The following KDM4C variants were observed in gnomAD, a reference collection of about 807,000 sequenced individuals.
KDM4C encodes lysine-specific demethylase 4C.
In KDM4C, 81 loss-of-function variants were observed where a neutral mutation model predicts 129.3. The observed-to-expected ratio is 0.63, with a 90% CI of 0.52 to 0.75. The LOEUF is 0.75. Among genes scored for constraint, KDM4C ranks in the 30% least tolerant of loss-of-function variants. The pLI, the probability that KDM4C is intolerant of heterozygous loss-of-function variation, is 0.00. For missense variants in KDM4C, 1,457 were observed against 1,304.0 expected (o/e 1.12, Z -1.81); for synonymous variants, 573 against 456.1 (o/e 1.26, Z -3.26).
intron 17 of KDM4C, chr9:7,076,680 A>G: frequency 7.8e-7 from 1 of 1,276,112 alleles, no homozygotes; most frequent in Non-Finnish European, 9.9e-7. Flanking sequence ...GGATCCTCAC[A>G]CCTTTGTGTT....
intron 19 of KDM4C, among the ~76,000 whole-genome samples, chr9:7,155,919 G>A (rs970476592): frequency 2.6e-5 from 4 of 152,294 alleles, no homozygotes; most frequent in South Asian, 2.1e-4. Flanking sequence ...TTCTAGATCC[G>A]TGAGCAATCG....
chr9:6,893,133 A>G lies in KDM4C; in HGVS notation c.822A>G (p.Pro274=). 2 of 1,600,568 alleles carry G rather than the reference A, an allele frequency of 1.2e-6. No homozygotes were observed. Among genetic ancestry groups the G allele is most frequent in the Non-Finnish European group, 1.7e-6 (2 of 1,173,014 alleles). Residue 274 remains proline (P), a synonymous_variant, in exon 8 of 22, where the codon CCA becomes CCG. Coordinates refer to ENST00000381309, the MANE Select transcript of KDM4C (RefSeq NM_015061.6). ...QEAGEFMITF[P]YGYHAGFNHG... ...CTGGAGAATTCATGATCACTTTCCC[A>G]TATGGCTACCATGCTGGTTTTAATC...
intron 10 of KDM4C, among the ~76,000 whole-genome samples, 181 bp downstream of exon 10, chr9:6,984,585 C>T (rs925976269): frequency 1.3e-5 from 2 of 152,094 alleles, no homozygotes; most frequent in Admixed American, 6.5e-5. Flanking sequence ...TCAGGAGCCT[C>T]ACTGCTATGT....
intron 8 of KDM4C, among the ~76,000 whole-genome samples, chr9:6,957,842 A>C (rs1056181329): frequency 6.6e-6 from 1 of 152,206 alleles, no homozygotes; most frequent in Non-Finnish European, 1.5e-5. Context: ...CAAACTGCCT[A>C]ACCCTCCTGA....
intron 15 of KDM4C, among the ~76,000 whole-genome samples, chr9:7,034,705 G>A (rs577207755): frequency 6.6e-6 from 1 of 152,306 alleles, no homozygotes; most frequent in East Asian, 1.9e-4. Context: ...TAGTGGTATT[G>A]CTGTATCATG....
At position 7,070,359 on chromosome 9, in the gene KDM4C, G is replaced by C. The variant is rs73639964; in HGVS notation, c.2424+21159G>C. Among the ~76,000 whole-genome samples the C allele has an allele frequency of 7.9e-4, 120 of 152,012 alleles. 1 individual carries two copies. The East Asian group carries it at 0.019, about 24-fold the overall frequency. On this transcript the variant is annotated intron_variant, in intron 17 of 21. Transcript: ENST00000381309. ...CTACCTAAACACTTTTAAAAAATTAGAAGTGAAGGGAACACCTCCCAATTC... is the reference window on the plus strand; with the variant it reads ...CTACCTAAACACTTTTAAAAAATTACAAGTGAAGGGAACACCTCCCAATTC...
intron 1 of KDM4C, among the ~76,000 whole-genome samples, chr9:6,783,114 C>G (rs1220396578): frequency 6.6e-6 from 1 of 152,150 alleles, no homozygotes; most frequent in Non-Finnish European, 1.5e-5. Flanking sequence ...CACCTTTACC[C>G]TGGTAAAAGG....
chr9:6,757,848 A>C, upstream of KDM4C: 1 of 985,610 alleles, frequency 1.0e-6, no homozygotes, highest in Non-Finnish European at 1.2e-6. Context: ...TAAGTTAACC[A>C]CAGCGCGGAA....
At chr9:6,842,961 G>A (rs192281551) in intron 4 of KDM4C, among the ~76,000 whole-genome samples, 13 of 152,158 alleles carry the variant, frequency 8.5e-5, no homozygotes, top group African/African-American at 1.9e-4. Flanking sequence ...ACAGAGTCTC[G>A]CTCTGTTGCC....
chr9:6,835,100 G>T (rs1051456061), intron 4 of KDM4C: 1 of 1,006,606 alleles, frequency 9.9e-7, no homozygotes, highest in African/African-American at 1.6e-5. Flanking sequence ...GAGAAGCTGT[G>T]CTATGTTGCT....
chr9:7,005,255 G>A lies in KDM4C; in HGVS notation c.1787-6443G>A, dbSNP rs986068219. 2.6e-5 allele frequency among the ~76,000 whole-genome samples: 4 copies of A among 152,190 alleles called. No homozygotes were observed. In the South Asian group the frequency reaches 8.3e-4, roughly 32 times the overall value. Reference sequence around the variant, plus strand: ...GTTCAAGACCAGCCTGGCCAACATGGTGAAACCCCATCTCTACTAAAAATA... The same window carrying A: ...GTTCAAGACCAGCCTGGCCAACATGATGAAACCCCATCTCTACTAAAAATA... On this transcript the variant is annotated intron_variant, in intron 12 of 21. Transcript: ENST00000381309.
chr9:6,727,074 A>G (rs1817155967), intron 1 of KDM4C: 1 of 152,160 alleles, frequency 6.6e-6, no homozygotes, highest in South Asian at 2.1e-4. Context: ...GTACTTCAAT[A>G]TATTCAAAAT....
chr9:7,056,195 C>T (rs970069295), intron 17 of KDM4C, among the ~76,000 whole-genome samples: 7 of 152,128 alleles, frequency 4.6e-5, no homozygotes, highest in African/African-American at 1.7e-4. Context: ...GTAAGAGGTA[C>T]TATACTACAG....
chr9:7,068,686 C>CTTTTTTTTTTTTTTT (rs542039227), intron 17 of KDM4C, among the ~76,000 whole-genome samples: 40 of 101,752 alleles, frequency 3.9e-4, no homozygotes, highest in African/African-American at 1.5e-3. Context: ...GATGCCCTTT[C>CTTTTTTTTTTTTTTT]TTTTTTTTTT....
intron 3 of KDM4C, among the ~76,000 whole-genome samples, chr9:6,814,162 T>G (rs1032725507): frequency 2.6e-5 from 4 of 152,206 alleles, no homozygotes; most frequent in Non-Finnish European, 5.9e-5. Flanking sequence ...CATTATTTTC[T>G]TGCCATTAAT....
intron 6 of KDM4C, among the ~76,000 whole-genome samples, chr9:6,884,617 T>G (rs910399285): frequency 6.6e-6 from 1 of 152,228 alleles, no homozygotes; most frequent in Admixed American, 6.5e-5. Flanking sequence ...TGGAAATAGA[T>G]CTACATGTTT....
intron 1 of KDM4C, among the ~76,000 whole-genome samples, chr9:6,763,086 A>T (rs544230539): frequency 7.9e-5 from 12 of 151,980 alleles, no homozygotes; most frequent in Non-Finnish European, 1.3e-4. Flanking sequence ...TTCTAAATCC[A>T]CACTTTCTGG....
chr9:7,046,533 T>G (rs976728278), intron 15 of KDM4C, among the ~76,000 whole-genome samples: 1 of 152,004 alleles, frequency 6.6e-6, no homozygotes, highest in Non-Finnish European at 1.5e-5. Context: ...TTGCATATAC[T>G]AGGTGTGTGG....
rs1373067589 is a variant in KDM4C at position 6,990,522 on chromosome 9, A to T, written c.1784A>T (p.Glu595Val). ...TLVKQQAPSD[E>V]ELPEVLSIEE... ...GTGAAGCAGCAGGCGCCAAGTGATG[A>T]AGGTGAGATGGTGACCCTTTTTGGG... The change falls in exon 12 of 22, where the codon GAA (glutamate) becomes GTA (valine). Residue 595 changes from glutamate (E) to valine (V), a missense_variant and splice_region_variant. Physicochemically the swap from Glu to Val is moderately radical, Grantham distance 121. Coordinates refer to ENST00000381309, the MANE Select transcript of KDM4C (RefSeq NM_015061.6). 1 of 1,595,212 alleles carries T rather than the reference A, an allele frequency of 6.3e-7. No individual in the cohort carries two copies. The highest frequency in any genetic ancestry group is 2.2e-5 in the East Asian group (1 of 44,650).
Sources: allele counts gnomAD v4.1 joint callset (sites outside exome capture counted in the v4.1 genomes callset), GRCh38; gene constraint gnomAD v4.1.1; transcripts MANE v1.5; gene names NCBI Gene and HGNC (gene_info 2026-07-23, HGNC 2026-07-21).